The following PACS1 variants were observed in gnomAD, a reference collection of about 807,000 sequenced individuals.
PACS1 encodes phosphofurin acidic cluster sorting protein 1.
In PACS1, 24 loss-of-function variants were observed where a neutral mutation model predicts 115.0. The observed-to-expected ratio is 0.21, with a 90% CI of 0.15 to 0.29. The LOEUF is 0.29. Ranked by LOEUF, PACS1 falls within the 10% of genes least tolerant of loss-of-function variation. The pLI, the probability that PACS1 is intolerant of heterozygous loss-of-function variation, is 1.00. For synonymous variants in PACS1, 453 were observed against 504.5 expected (o/e 0.90, Z 1.37); for missense variants, 838 against 1,251.2 (o/e 0.67, Z 4.98).
At position 66,077,890 on chromosome 11, in the gene PACS1, C is replaced by T. The variant is rs558505581; in HGVS notation, c.356+7048C>T. Among the ~76,000 whole-genome samples, 14 of 151,906 alleles carry T rather than the reference C, an allele frequency of 9.2e-5. No individual in the cohort carries two copies. In the South Asian group the frequency reaches 2.5e-3, roughly 27 times the overall value. ...GATAATTTTGTATTTTTAGTAGAGA[C>T]GGGGTTTCACCATGTTGGCCAGGCT... On this transcript the variant is annotated intron_variant, in intron 1 of 23. Coordinates refer to ENST00000320580, the MANE Select transcript of PACS1 (RefSeq NM_018026.4).
intron 1 of PACS1, among the ~76,000 whole-genome samples, chr11:66,158,780 T>A (rs995355110): frequency 6.6e-6 from 1 of 152,106 alleles, no homozygotes; most frequent in Admixed American, 6.6e-5. Flanking sequence ...CATCTGACTA[T>A]TGGAGTTCTA....
Position 66,243,500 on chromosome 11 carries a change from T to C in PACS1, c.*220T>C. On this transcript the variant is annotated 3_prime_UTR_variant, in exon 24 of 24. Transcript: ENST00000320580. ...CCCCTCCTCCTTCCCGCTTTTCCCC[T>C]TCTCCCTCCTGCTCCAGGCCCAAGG... is the stretch of plus-strand genomic sequence containing the variant. 1.9e-6 allele frequency: 1 copy of C among 531,226 alleles called. No individual in the cohort carries two copies. The highest frequency in any genetic ancestry group is 3.3e-6 in the Non-Finnish European group (1 of 303,678). The allele number at this position is 531,226 out of a possible 1,614,324, so 32.9% of individuals were successfully genotyped here. A position where few individuals can be genotyped will look rare whatever the true frequency, so the allele number is the denominator to read the frequency against.
chr11:66,230,319 A>G, intron 11 of PACS1: 1 of 543,914 alleles, frequency 1.8e-6, no homozygotes, highest in Non-Finnish European at 3.3e-6. Flanking sequence ...GTAACTGGAT[A>G]TTTACTGGAT....
At chr11:66,116,906 A>C (rs916771311) in intron 1 of PACS1, among the ~76,000 whole-genome samples, 1 of 143,276 alleles carries the variant, frequency 7.0e-6, no homozygotes, top group East Asian at 2.1e-4. Context: ...AAAAAAAAAA[A>C]CAACTCAGAT....
At chr11:66,091,217 T>C (rs572293612) in intron 1 of PACS1, among the ~76,000 whole-genome samples, 13 of 152,296 alleles carry the variant, frequency 8.5e-5, no homozygotes, top group African/African-American at 2.9e-4. Flanking sequence ...CTCAGATCAC[T>C]GCAACCTCCG....
At chr11:66,168,203 G>A (rs539589365) in intron 1 of PACS1, among the ~76,000 whole-genome samples, 1 of 150,590 alleles carries the variant, frequency 6.6e-6, no homozygotes, top group South Asian at 2.1e-4. Flanking sequence ...TGCCTGGCCT[G>A]CTCCTCCTTA....
At chr11:66,240,488 G>A (rs947071926) in intron 21 of PACS1, among the ~76,000 whole-genome samples, 1 of 152,182 alleles carries the variant, frequency 6.6e-6, no homozygotes, top group Admixed American at 6.5e-5. Context: ...CCCCCAAAGT[G>A]CTAGTAATGT....
chr11:66,180,878 C>T (rs1481749706), intron 1 of PACS1, among the ~76,000 whole-genome samples: 2 of 151,954 alleles, frequency 1.3e-5, no homozygotes, highest in African/African-American at 4.8e-5. Flanking sequence ...AGGCTGGTCT[C>T]AAACCCCTGG....
chr11:66,095,872 C>T (rs1031887024), intron 1 of PACS1, among the ~76,000 whole-genome samples: 2 of 151,984 alleles, frequency 1.3e-5, no homozygotes, highest in South Asian at 2.1e-4. Context: ...TTCCAGCTGT[C>T]GAAAACTGTT....
chr11:66,242,021 AGAAC>A (rs1855826044), intron 22 of PACS1, among the ~76,000 whole-genome samples: 2 of 152,200 alleles, frequency 1.3e-5, no homozygotes, highest in Admixed American at 6.5e-5. Context: ...GCAGGAGTAG[AGAAC>A]TTGCACCCAG....
intron 1 of PACS1, among the ~76,000 whole-genome samples, chr11:66,125,639 T>C (rs898719061): frequency 3.3e-5 from 5 of 152,220 alleles, no homozygotes; most frequent in Non-Finnish European, 7.3e-5. Flanking sequence ...CTTTTGCCTC[T>C]AGTCTTACTC....
In PACS1 at chr11:66,233,978, G is replaced by A. The variant is rs368065464; in HGVS notation, c.1993+39G>A. ...GCACCAGGAGGGCGTCGGGCATGAG[G>A]GTTCCATAGACAGATGCCTCATCTG... On this transcript the variant is annotated intron_variant, in intron 16 of 23. Transcript: ENST00000320580. This position sits in a 1 kb window ranked among gnomAD's most constrained non-coding sequence, Gnocchi z 4.5. The A allele has an allele frequency of 1.3e-6, 2 of 1,569,222 alleles. No homozygotes were observed. The highest frequency in any genetic ancestry group is 2.3e-5 in the East Asian group (1 of 44,418).
chr11:66,178,209 T>G (rs1352427978), intron 1 of PACS1, among the ~76,000 whole-genome samples: 1 of 150,164 alleles, frequency 6.7e-6, no homozygotes, highest in Non-Finnish European at 1.5e-5. Context: ...TTGTATGACC[T>G]TTTTTCTCAT....
At chr11:66,172,911 G>A (rs1590795924) in intron 1 of PACS1, among the ~76,000 whole-genome samples, 1 of 149,572 alleles carries the variant, frequency 6.7e-6, no homozygotes, top group African/African-American at 2.5e-5. Context: ...GGGAGGCGGA[G>A]GTTGTAGTGA....
At chr11:66,096,991 C>T (rs954723773) in intron 1 of PACS1, among the ~76,000 whole-genome samples, 6 of 151,920 alleles carry the variant, frequency 3.9e-5, no homozygotes, top group African/African-American at 1.2e-4. Flanking sequence ...TGAGCCACCA[C>T]GCCCAGCCCC....
At position 66,212,930 on chromosome 11, in the gene PACS1, A is replaced by T. The variant is rs1054330604; in HGVS notation, c.660+1671A>T. Among the ~76,000 whole-genome samples the T allele has an allele frequency of 2.0e-5, 3 of 152,106 alleles. No individual in the cohort carries two copies. In the East Asian group the frequency reaches 5.8e-4, roughly 29 times the overall value. On this transcript the variant is annotated intron_variant, in intron 4 of 23. Coordinates refer to ENST00000320580, the MANE Select transcript of PACS1 (RefSeq NM_018026.4). ...GCTGGCACAATCTCGGCTCACTGCAACCTCTACCTCCCGGGTTCCAGCAGT... is the reference window on the plus strand; with the variant it reads ...GCTGGCACAATCTCGGCTCACTGCATCCTCTACCTCCCGGGTTCCAGCAGT...
Position 66,096,754 on chromosome 11 carries a change from C to T in PACS1, c.356+25912C>T, listed in dbSNP as rs376247196. ...CTGACCTCAGATGATCTGCCCACCTCGGCCTCCCAAAGTGCTGGGATTACA... is the reference window on the plus strand; with the variant it reads ...CTGACCTCAGATGATCTGCCCACCTTGGCCTCCCAAAGTGCTGGGATTACA... On this transcript the variant is annotated intron_variant, in intron 1 of 23. Transcript: ENST00000320580. Among the ~76,000 whole-genome samples, 8 of 151,970 alleles carry T rather than the reference C, an allele frequency of 5.3e-5. No homozygotes were observed. The East Asian group carries it at 5.8e-4, about 11-fold the overall frequency.
chr11:66,157,329 C>T (rs750949119), intron 1 of PACS1, among the ~76,000 whole-genome samples: 48 of 152,090 alleles, frequency 3.2e-4, no homozygotes, highest in Non-Finnish European at 6.5e-4. Context: ...AATGTAGGTG[C>T]ATATATGATG....
chr11:66,142,251 G>A (rs1859008721), intron 1 of PACS1, among the ~76,000 whole-genome samples: 1 of 152,162 alleles, frequency 6.6e-6, no homozygotes, highest in Admixed American at 6.6e-5. Context: ...CAGCTGGGCT[G>A]CATATATTTT....
Sources: gnomAD v4.1 joint callset for allele counts (sites outside exome capture counted in the v4.1 genomes callset) on GRCh38, gnomAD v4.1.1 for gene constraint, Gnocchi (gnomAD v3.1) non-coding constraint, MANE v1.5 for transcripts, NCBI Gene and HGNC (gene_info 2026-07-23, HGNC 2026-07-21) for gene names.